MARS1: variants seen among roughly 807,000 people sequenced by gnomAD.
MARS1 encodes methionyl-tRNA synthetase 1, also known as methionine--tRNA ligase, cytoplasmic.
Under a neutral mutation model 119.5 loss-of-function variants are expected in MARS1, and 80 were observed. The ratio of observed to expected loss-of-function variants is 0.67; its 90% CI spans 0.56 to 0.81. The LOEUF is 0.81. MARS1 is among the 30% of genes least tolerant of loss of function. MARS1 has a pLI of 0.00. For missense variants in MARS1, 945 were observed against 1,116.5 expected (o/e 0.85, Z 2.19); for synonymous variants, 418 against 433.4 (o/e 0.96, Z 0.44).
intron 1 of MARS1, 139 bp downstream of exon 1, chr12:57,488,338 T>TCCACG: frequency 1.3e-6 from 1 of 799,656 alleles, no homozygotes; most frequent in Non-Finnish European, 2.0e-6. Context: ...CCTTGATCAC[T>TCCACG]CCACGCCTTC....
Position 57,492,679 on chromosome 12 carries a change from A to T in MARS1, c.770+2035A>T, listed in dbSNP as rs1014885032. Among the ~76,000 whole-genome samples the T allele has an allele frequency of 8.6e-4, 86 of 100,142 alleles. 1 individual carries two copies. Among genetic ancestry groups the T allele is most frequent in the African/African-American group, 3.7e-3 (83 of 22,292 alleles). The allele number at this position is 100,142 out of a possible 152,430, so 65.7% of individuals were successfully genotyped here. A position where few individuals can be genotyped will look rare whatever the true frequency, so the allele number is the denominator to read the frequency against. ...GAGCGCGACTCCATTTCACACACACACACACACACACACACACACACACAC... is the reference window on the plus strand; with the variant it reads ...GAGCGCGACTCCATTTCACACACACTCACACACACACACACACACACACAC... On this transcript the variant is annotated intron_variant, in intron 7 of 20. Coordinates refer to ENST00000262027, the MANE Select transcript of MARS1 (RefSeq NM_004990.4).
chr12:57,495,770 G>A (rs928346391), intron 7 of MARS1, among the ~76,000 whole-genome samples: 2 of 152,182 alleles, frequency 1.3e-5, no homozygotes, highest in African/African-American at 4.8e-5. Context: ...AGGCCCAGGC[G>A]GGCAGATCAC....
At chr12:57,516,203 G>T (rs1262439734) in intron 19 of MARS1, 42 bp from the exon 20 acceptor site, 1 of 1,565,530 alleles carries the variant, frequency 6.4e-7, no homozygotes, top group Non-Finnish European at 8.8e-7. Flanking sequence ...TGGAGGTTAG[G>T]GGATATTTAT....
chr12:57,511,037 T>A (rs1218818641), intron 11 of MARS1, among the ~76,000 whole-genome samples: 3 of 151,870 alleles, frequency 2.0e-5, no homozygotes, highest in African/African-American at 7.3e-5. Context: ...TGTGCCACTG[T>A]ACTCCAGCCT....
intron 7 of MARS1, among the ~76,000 whole-genome samples, chr12:57,492,222 T>C (rs1254634953): frequency 6.9e-6 from 1 of 144,324 alleles, no homozygotes; most frequent in Non-Finnish European, 1.5e-5. Flanking sequence ...GAGGTTGCAG[T>C]GCGCCAAGAT....
At chr12:57,496,036 T>A (rs1452382798) in intron 7 of MARS1, among the ~76,000 whole-genome samples, 1 of 152,118 alleles carries the variant, frequency 6.6e-6, no homozygotes, top group Middle Eastern at 3.4e-3. Context: ...AGGGAGCAAT[T>A]TTTTGTATTT....
At chr12:57,505,043 C>T (rs1420805109) in intron 11 of MARS1, among the ~76,000 whole-genome samples, 3 of 151,770 alleles carry the variant, frequency 2.0e-5, no homozygotes, top group Non-Finnish European at 4.4e-5. Context: ...GAGATGGGTT[C>T]TCACTGTGTT....
chr12:57,502,157 T>C (rs1565645668), intron 10 of MARS1, among the ~76,000 whole-genome samples: 1 of 152,132 alleles, frequency 6.6e-6, no homozygotes. Context: ...TTGGATAGAC[T>C]GGAATTTGGG....
At chr12:57,489,833 T>C in intron 4 of MARS1, 63 bp from the exon 5 acceptor site, 1 of 1,438,780 alleles carries the variant, frequency 7.0e-7, no homozygotes, top group South Asian at 1.1e-5. Flanking sequence ...TGTTAGATAT[T>C]ACCATTGGGA....
chr12:57,494,506 T>TG (rs1380966791), intron 7 of MARS1, among the ~76,000 whole-genome samples: 7 of 147,858 alleles, frequency 4.7e-5, no homozygotes, highest in African/African-American at 1.7e-4. Context: ...TTTTTTTTTT[T>TG]TTTTTTTTTT....
intron 8 of MARS1, 34 bp downstream of exon 8, chr12:57,498,307 G>T (rs1285953304): frequency 6.2e-7 from 1 of 1,601,202 alleles, no homozygotes; most frequent in African/African-American, 1.3e-5. Flanking sequence ...GACCTCCTAA[G>T]GGAAGGGCGG....
chr12:57,488,902 G>A, intron 1 of MARS1, 117 bp from the exon 2 acceptor site: 1 of 878,986 alleles, frequency 1.1e-6, no homozygotes, highest in Non-Finnish European at 1.8e-6. Flanking sequence ...CTTCTGGGTT[G>A]AGACTGCCCA....
chr12:57,492,415 A>C (rs1876019682), intron 7 of MARS1, among the ~76,000 whole-genome samples: 1 of 152,024 alleles, frequency 6.6e-6, no homozygotes, highest in African/African-American at 2.4e-5. Context: ...TCATGCCTGT[A>C]ATCCTAGCAC....
Position 57,512,286 on chromosome 12 carries a change from A to T in MARS1, c.1686A>T (p.Leu562Phe). 6.2e-7 allele frequency: 1 copy of T among 1,614,148 alleles called. No homozygotes were observed. The highest frequency in any genetic ancestry group is 8.5e-7 in the Non-Finnish European group (1 of 1,180,038). ...MAKDNVPFHS[L>F]VFPCSALGAE... ...AAGACAATGTTCCTTTCCATAGCTTAGTCTTTCCTTGCTCAGCCCTAGGAG... is the reference window on the plus strand; with the variant it reads ...AAGACAATGTTCCTTTCCATAGCTTTGTCTTTCCTTGCTCAGCCCTAGGAG... Residue 562 changes from leucine to phenylalanine, a missense_variant, in exon 14 of 21, where the codon TTA (leucine) becomes TTT (phenylalanine). By Grantham distance (22) the Leu-to-Phe change is conservative. Coordinates refer to ENST00000262027, the MANE Select transcript of MARS1 (RefSeq NM_004990.4).
At chr12:57,499,738 A>C (rs1876830189) in intron 9 of MARS1, among the ~76,000 whole-genome samples, 2 of 152,066 alleles carry the variant, frequency 1.3e-5, no homozygotes, top group African/African-American at 4.8e-5. Context: ...ATCTCTACTA[A>C]GAATACAAAA....
rs1443510181 is a variant in MARS1, at chr12:57,515,208, A to G, written c.2263A>G (p.Met755Val). The change falls in exon 18 of 21, where the codon ATG (methionine) becomes GTG (valine). Residue 755 changes from methionine to valine, a missense_variant. Transcript: ENST00000262027. ...GAATATAGCTGCCTTGCTCTCTGTC[A>G]TGCTTCAGCCTTACATGCCCACGGT... The part of the protein sequence containing the change: ...AVNIAALLSV[M>V]LQPYMPTVSA... 4 of 1,614,086 alleles carry G rather than the reference A, an allele frequency of 2.5e-6. No homozygotes were observed. The highest frequency in any genetic ancestry group is 1.3e-5 in the African/African-American group (1 of 74,932).
chr12:57,493,569 A>ATATATAAT (rs1876235598), intron 7 of MARS1, among the ~76,000 whole-genome samples: 2 of 12,684 alleles, frequency 1.6e-4, no homozygotes, highest in African/African-American at 2.3e-4. Context: ...ATAATATATT[A>ATATATAAT]TAATATATAA....
chr12:57,497,572 C>G (rs1236569389), intron 7 of MARS1, among the ~76,000 whole-genome samples: 1 of 152,096 alleles, frequency 6.6e-6, no homozygotes, highest in Non-Finnish European at 1.5e-5. Flanking sequence ...CAGCAACGAT[C>G]TAGAAAAGTG....
At chr12:57,516,078 C>T in intron 19 of MARS1, 87 bp downstream of exon 19, 2 of 1,461,652 alleles carry the variant, frequency 1.4e-6, no homozygotes, top group Non-Finnish European at 1.9e-6. Context: ...ACCCATCACT[C>T]TTTCCATCTT....
Sources: allele counts gnomAD v4.1 joint callset (sites outside exome capture counted in the v4.1 genomes callset), GRCh38; gene constraint gnomAD v4.1.1; transcripts MANE v1.5; gene names NCBI Gene and HGNC (gene_info 2026-07-23, HGNC 2026-07-21).